The following ARMC10 variants were observed in gnomAD, a reference collection of about 807,000 sequenced individuals.
The protein encoded by ARMC10 is armadillo repeat containing 10.
A neutral mutation model predicts 30.2 loss-of-function variants in ARMC10; 23 were observed. That is an observed-to-expected ratio of 0.76 (90% CI 0.55 to 1.08). The LOEUF is 1.08. Among genes scored for constraint, ARMC10 ranks in the 50% least tolerant of loss-of-function variants. The pLI, the probability that ARMC10 is intolerant of heterozygous loss-of-function variation, is 0.00. For synonymous variants in ARMC10, 111 were observed against 164.4 expected (o/e 0.68, Z 2.48); for missense variants, 303 against 413.7 (o/e 0.73, Z 2.32).
rs776372391 is a variant in ARMC10, at chr7:103,097,265, ATCT to A, written c.706-7_706-5del. ...TGCCAGTCTGAGATAAGCCAGTATCATCTTCTTTCAGGTGCAAGTTTTGAAACT... is the reference window on the plus strand; with the variant it reads ...TGCCAGTCTGAGATAAGCCAGTATCATCTTTCAGGTGCAAGTTTTGAAACT... On this transcript the variant is annotated splice_polypyrimidine_tract_variant and intron_variant, in intron 5 of 6. Coordinates refer to ENST00000323716, the MANE Select transcript of ARMC10 (RefSeq NM_031905.5). 67 of 1,610,970 alleles carry A rather than the reference ATCT, an allele frequency of 4.2e-5. No individual in the cohort carries two copies. Among genetic ancestry groups the A allele is most frequent in the South Asian group, 1.6e-4 (15 of 91,020 alleles).
chr7:103,094,840 G>GT (rs907312891), intron 5 of ARMC10, among the ~76,000 whole-genome samples: 21 of 152,278 alleles, frequency 1.4e-4, no homozygotes, highest in African/African-American at 5.1e-4. Context: ...TTCAAGAAAT[G>GT]TTACCAGTGG....
chr7:103,087,626 A>G (rs1800971063), intron 4 of ARMC10: 1 of 217,272 alleles, frequency 4.6e-6, no homozygotes, highest in Admixed American at 6.5e-5. Flanking sequence ...AGGTCAAGAC[A>G]ATCACGAAAC....
Position 103,092,617 on chromosome 7 carries a change from G to A in ARMC10, c.669G>A (p.Leu223=), listed in dbSNP as rs565419717. Residue 223 remains leucine (L), a synonymous_variant, in exon 5 of 7, where the codon CTG becomes CTA. Transcript: ENST00000323716. ...QHMLHSYITD[L]FQVLLTGNGN... ...TGCTTCACAGTTACATTACAGACCT[G>A]TTCCAGGTGTTACTTACTGGAAATG... 9 of 1,585,834 alleles carry A rather than the reference G, an allele frequency of 5.7e-6. No individual in the cohort carries two copies. The highest frequency in any genetic ancestry group is 7.8e-6 in the Non-Finnish European group (9 of 1,157,758).
intron 5 of ARMC10, chr7:103,095,715 A>G (rs552961785): frequency 2.0e-5 from 3 of 152,346 alleles, no homozygotes; most frequent in African/African-American, 7.2e-5. Context: ...CTGGATTAAG[A>G]AAATGTGGCA....
rs748053002 is a variant in ARMC10 at position 103,075,772 on chromosome 7, T to C, written c.140-5T>C. The stretch of plus-strand genomic sequence containing the variant: ...CCAGAGCCATAGGTCAATCTCTGCT[T>C]GCAGGTGCCCTGGAAGAAGGGACGT... On this transcript the variant is annotated splice_region_variant and splice_polypyrimidine_tract_variant and intron_variant, in intron 1 of 6. Coordinates refer to ENST00000323716, the MANE Select transcript of ARMC10 (RefSeq NM_031905.5). The C allele has an allele frequency of 6.2e-7, 1 of 1,603,296 alleles. No individual in the cohort carries two copies. Among genetic ancestry groups the C allele is most frequent in the Admixed American group, 1.7e-5 (1 of 58,556 alleles).
intron 2 of ARMC10, 38 bp downstream of exon 2, chr7:103,075,919 G>T (rs760021230): frequency 7.0e-7 from 1 of 1,431,510 alleles, no homozygotes; most frequent in South Asian, 1.3e-5. Flanking sequence ...GTCTGCGCGA[G>T]ACACACCCTC....
At chr7:103,083,393 AG>A (rs1800559832) in intron 2 of ARMC10, among the ~76,000 whole-genome samples, 1 of 152,168 alleles carries the variant, frequency 6.6e-6, no homozygotes, top group African/African-American at 2.4e-5. Context: ...CCAAGGCAGG[AG>A]GACTGCTTGA....
At chr7:103,096,089 A>G (rs979232063) in intron 5 of ARMC10, 3 of 148,442 alleles carry the variant, frequency 2.0e-5, no homozygotes, top group African/African-American at 7.9e-5. Context: ...ATAATAATTA[A>G]TAAATTAAAA....
At chr7:103,079,837 G>T (rs1283938169) in intron 2 of ARMC10, among the ~76,000 whole-genome samples, 1 of 152,052 alleles carries the variant, frequency 6.6e-6, no homozygotes, top group Non-Finnish European at 1.5e-5. Context: ...TAAAAATTAG[G>T]AATTCACTTT....
At chr7:103,094,332 C>T (rs1042537936) in intron 5 of ARMC10, among the ~76,000 whole-genome samples, 2 of 151,644 alleles carry the variant, frequency 1.3e-5, no homozygotes, top group Non-Finnish European at 2.9e-5. Context: ...GTGCATGTGA[C>T]GAGGAAAAAA....
chr7:103,086,746 A>C lies in ARMC10; in HGVS notation c.510A>C (p.Glu170Asp), dbSNP rs1020692606. ...TAAATAACCTGAGTGTGAATGTTGA[A>C]AATCAAATCAAGATAAAGGTAAGTT... ...NALNNLSVNVENQIKIKIYIS... is the reference protein window; with the variant it reads ...NALNNLSVNVDNQIKIKIYIS... Residue 170 changes from glutamate to aspartate, a missense_variant, in exon 4 of 7, where the codon GAA becomes GAC. Physicochemically the swap from Glu to Asp is conservative, Grantham distance 45. Transcript: ENST00000323716. 1 of 1,590,644 alleles carries C rather than the reference A, an allele frequency of 6.3e-7. No individual in the cohort carries two copies. The highest frequency in any genetic ancestry group is 8.5e-7 in the Non-Finnish European group (1 of 1,173,928).
chr7:103,083,319 T>TA (rs1056887826), intron 2 of ARMC10, among the ~76,000 whole-genome samples: 1 of 152,200 alleles, frequency 6.6e-6, no homozygotes, highest in African/African-American at 2.4e-5. Flanking sequence ...GATATTGTTT[T>TA]AAAAATTTTA....
chr7:103,087,758 A>G, intron 4 of ARMC10: 1 of 984,772 alleles, frequency 1.0e-6, no homozygotes, highest in South Asian at 4.7e-5. Flanking sequence ...GTTTAGATAA[A>G]GACTTCCAGC....
chr7:103,098,367 G>A lies in ARMC10; in HGVS notation c.846G>A (p.Thr282=). The change falls in exon 7 of 7, where the codon ACG becomes ACA. Residue 282 remains threonine, a synonymous_variant. Coordinates refer to ENST00000323716, the MANE Select transcript of ARMC10 (RefSeq NM_031905.5). The part of the protein sequence containing the change: ...VAKEILLRVL[T]LFQNIKNCLK... ...AGGAGATTCTTCTTCGAGTACTTAC[G>A]CTATTTCAGAATATAAAGAACTGCC... 1.9e-6 allele frequency: 3 copies of A among 1,613,792 alleles called. No homozygotes were observed. The highest frequency in any genetic ancestry group is 2.5e-6 in the Non-Finnish European group (3 of 1,179,940).
intron 3 of ARMC10, 50 bp downstream of exon 3, chr7:103,083,880 C>T (rs998730565): frequency 3.1e-5 from 49 of 1,590,628 alleles, no homozygotes; most frequent in South Asian, 5.6e-5. Flanking sequence ...TACACACTAG[C>T]GGTAATTGTG....
At chr7:103,097,008 C>CAG (rs1389610698) in intron 5 of ARMC10, 1 of 470,164 alleles carries the variant, frequency 2.1e-6, no homozygotes, top group African/African-American at 1.9e-5. Context: ...TTCTCTCTAT[C>CAG]TCCCTAACGA....
intron 1 of ARMC10, 62 bp downstream of exon 1, chr7:103,075,473 G>T: frequency 7.9e-7 from 1 of 1,264,064 alleles, no homozygotes; most frequent in Non-Finnish European, 1.0e-6. Context: ...CCCAGGCCGG[G>T]GTGGTGGCTT....
chr7:103,097,359 T>C lies in ARMC10; in HGVS notation c.777+11T>C. 6.3e-7 allele frequency: 1 copy of C among 1,577,038 alleles called. No individual in the cohort carries two copies. ...CTTCTCCGTGCCCAAGTAAATAGCTTATATATTTATTTTGTAAATATACAC... is the reference window on the plus strand; with the variant it reads ...CTTCTCCGTGCCCAAGTAAATAGCTCATATATTTATTTTGTAAATATACAC... On this transcript the variant is annotated intron_variant, in intron 6 of 6. Transcript: ENST00000323716.
intron 2 of ARMC10, among the ~76,000 whole-genome samples, chr7:103,082,371 T>TTC (rs1285351598): frequency 3.4e-5 from 5 of 146,752 alleles, no homozygotes; most frequent in Non-Finnish European, 5.9e-5. Context: ...ATATACTTAG[T>TTC]TATTTTAGTT....
Sources: gnomAD v4.1 joint callset for allele counts (sites outside exome capture counted in the v4.1 genomes callset) on GRCh38, gnomAD v4.1.1 for gene constraint, MANE v1.5 for transcripts, NCBI Gene and HGNC (gene_info 2026-07-23, HGNC 2026-07-21) for gene names.